PSMA1: variants seen among roughly 807,000 people sequenced by gnomAD.
The protein encoded by PSMA1 is proteasome subunit alpha type-1.
A neutral mutation model predicts 38.4 loss-of-function variants in PSMA1; 3 were observed. The observed-to-expected ratio is 0.08, with a 90% CI of 0.04 to 0.20. PSMA1 has a LOEUF of 0.20. PSMA1 is among the 10% of genes least tolerant of loss of function. The pLI, the probability that PSMA1 is intolerant of heterozygous loss-of-function variation, is 1.00. For missense variants in PSMA1, 227 were observed against 325.3 expected, an observed-to-expected ratio of 0.70 and a Z score of 2.32; for synonymous variants, 101 against 107.1, an observed-to-expected ratio of 0.94 and a Z score of 0.35.
intron 1 of PSMA1, among the ~76,000 whole-genome samples, chr11:14,631,941 G>A (rs1166522836): frequency 3.6e-4 from 51 of 143,234 alleles, no homozygotes; most frequent in African/African-American, 1.3e-3. Context: ...TGTCTCTTTT[G>A]ATCTTTGTTG....
chr11:14,553,820 A>T (rs2575846), intron 2 of PSMA1, among the ~76,000 whole-genome samples: 89,142 of 151,976 alleles, frequency 0.59, 26,400 homozygotes, highest in Middle Eastern at 0.67. Context: ...AATTTTCATT[A>T]CTCTGGGTAA....
intron 2 of PSMA1, among the ~76,000 whole-genome samples, chr11:14,575,583 A>G (rs1282666559): frequency 2.0e-5 from 3 of 152,212 alleles, no homozygotes; most frequent in Non-Finnish European, 4.4e-5. Context: ...TACAAAGGAC[A>G]TGAACTCATC....
chr11:14,597,356 T>A (rs1448959114), intron 2 of PSMA1, among the ~76,000 whole-genome samples: 3 of 152,216 alleles, frequency 2.0e-5, no homozygotes, highest in Non-Finnish European at 2.9e-5. Flanking sequence ...AGAATTCGGT[T>A]GTGAATCCAT....
intron 2 of PSMA1, among the ~76,000 whole-genome samples, chr11:14,579,549 G>A (rs1232947679): frequency 6.9e-6 from 1 of 144,340 alleles, no homozygotes; most frequent in Non-Finnish European, 1.5e-5. Context: ...ATTAGGACAT[G>A]GACACATCCT....
intron 2 of PSMA1, among the ~76,000 whole-genome samples, chr11:14,585,130 T>C (rs552341636): frequency 6.6e-6 from 1 of 152,212 alleles, no homozygotes; most frequent in African/African-American, 2.4e-5. Flanking sequence ...TTCTTTGGAA[T>C]TGTCAAATTT....
In PSMA1 at chr11:14,528,654, G is replaced by C. The variant is rs533167910; in HGVS notation, c.22-9613C>G. 2.6e-5 allele frequency among the ~76,000 whole-genome samples: 4 copies of C among 152,188 alleles called. No homozygotes were observed. In the East Asian group the frequency reaches 7.7e-4, roughly 29 times the overall value. On this transcript the variant is annotated intron_variant, in intron 2 of 10. Coordinates refer to the PSMA1 transcript ENST00000418988. ...GGTCAGGCCTCTGAGCCCAAGCTAA[G>C]CCATCATATCCCCAGTGACCTGCAC...
At chr11:14,526,206 C>T (rs899198697) in intron 2 of PSMA1, among the ~76,000 whole-genome samples, 1 of 152,134 alleles carries the variant, frequency 6.6e-6, no homozygotes, top group African/African-American at 2.4e-5. Flanking sequence ...GCCATCCTAA[C>T]AAAACCATTA....
chr11:14,553,027 G>T (rs1565043159), intron 2 of PSMA1, among the ~76,000 whole-genome samples: 1 of 151,838 alleles, frequency 6.6e-6, no homozygotes, highest in Non-Finnish European at 1.5e-5. Flanking sequence ...TTCTTCCAAT[G>T]TTGCCCAGGC....
At chr11:14,642,097 A>G (rs182869556) in intron 1 of PSMA1, among the ~76,000 whole-genome samples, 2 of 151,340 alleles carry the variant, frequency 1.3e-5, no homozygotes, top group East Asian at 3.9e-4. Flanking sequence ...ATGCCCACAC[A>G]CATACACGCA....
At chr11:14,606,594 T>C (rs1298097178) in intron 2 of PSMA1, among the ~76,000 whole-genome samples, 4 of 152,184 alleles carry the variant, frequency 2.6e-5, no homozygotes, top group Admixed American at 2.0e-4. Context: ...TATTCAGTAA[T>C]TGGATGTTTC....
chr11:14,587,763 G>T (rs1852366146), intron 2 of PSMA1, among the ~76,000 whole-genome samples: 1 of 151,752 alleles, frequency 6.6e-6, no homozygotes, highest in South Asian at 2.1e-4. Context: ...TACTTCACTG[G>T]GTTGCTATGA....
chr11:14,573,667 A>G (rs574561289), intron 2 of PSMA1, among the ~76,000 whole-genome samples: 3 of 152,336 alleles, frequency 2.0e-5, no homozygotes, highest in Admixed American at 2.0e-4. Context: ...GGCCAGGGCA[A>G]TCAGGCAGGA....
At chr11:14,624,114 A>G (rs1260479976) in intron 1 of PSMA1, among the ~76,000 whole-genome samples, 1 of 152,230 alleles carries the variant, frequency 6.6e-6, no homozygotes, top group Admixed American at 6.5e-5. Flanking sequence ...CTCTAGCTAT[A>G]TCTTCTACAA....
chr11:14,524,509 G>A (rs1230604762), upstream of PSMA1, among the ~76,000 whole-genome samples: 3 of 151,522 alleles, frequency 2.0e-5, no homozygotes, highest in African/African-American at 7.3e-5. Flanking sequence ...TCCACCCCCT[G>A]CCCCCAAAAC....
chr11:14,610,946 A>G, intron 2 of PSMA1: 1 of 1,611,656 alleles, frequency 6.2e-7, no homozygotes, highest in Non-Finnish European at 8.5e-7. Flanking sequence ...TGTTTTATCA[A>G]AAAGCAAAGA....
chr11:14,624,710 C>T (rs1378242206), intron 1 of PSMA1, among the ~76,000 whole-genome samples: 2 of 152,150 alleles, frequency 1.3e-5, no homozygotes, highest in African/African-American at 4.8e-5. Flanking sequence ...GAAGGTAGTG[C>T]TGCTTATAGA....
At chr11:14,639,330 A>G (rs560813190) in intron 1 of PSMA1, among the ~76,000 whole-genome samples, 11 of 152,340 alleles carry the variant, frequency 7.2e-5, no homozygotes, top group Admixed American at 2.0e-4. Flanking sequence ...TCACAATATG[A>G]AAAGTTTTTT....
chr11:14,589,462 AT>A (rs1001017824), intron 2 of PSMA1, among the ~76,000 whole-genome samples: 6 of 150,138 alleles, frequency 4.0e-5, no homozygotes, highest in African/African-American at 9.8e-5. Flanking sequence ...ATATATATAT[AT>A]TTTTTTCTTT....
At chr11:14,638,545 CTATATATATATATATA>C (rs1243564648) in intron 1 of PSMA1, among the ~76,000 whole-genome samples, 100 of 15,944 alleles carry the variant, frequency 6.3e-3, no homozygotes, top group East Asian at 0.016. Context: ...CTCTCTCTCT[CTATATATATATATATA>C]TATATATATA....
Sources: allele counts gnomAD v4.1 joint callset (sites outside exome capture counted in the v4.1 genomes callset), GRCh38; gene constraint gnomAD v4.1.1; transcripts MANE v1.5; gene names NCBI Gene and HGNC (gene_info 2026-07-23, HGNC 2026-07-21).